Variants in CTNNA3 observed in about 807,000 individuals in gnomAD.
CTNNA3 encodes the protein catenin alpha 3.
A neutral mutation model predicts 95.7 loss-of-function variants in CTNNA3; 76 were observed. That is an observed-to-expected ratio of 0.79 (90% CI 0.66 to 0.96). The LOEUF (loss-of-function observed/expected upper bound fraction) is 0.96. Ranked by LOEUF, CTNNA3 falls within the 40% of genes least tolerant of loss-of-function variation. CTNNA3 has a pLI of 0.00. For missense variants in CTNNA3, 1,191 were observed against 1,089.8 expected, an observed-to-expected ratio of 1.09 and a Z score of -1.31; for synonymous variants, 431 against 374.4, an observed-to-expected ratio of 1.15 and a Z score of -1.74.
intron 13 of CTNNA3, among the ~76,000 whole-genome samples, chr10:66,215,414 G>T (rs541571292): frequency 4.6e-5 from 7 of 152,236 alleles, no homozygotes; most frequent in South Asian, 2.1e-4. Context: ...TGAAACTGAT[G>T]ATTTAAGAGC....
At chr10:66,489,616 A>T (rs1839854054) in intron 11 of CTNNA3, among the ~76,000 whole-genome samples, 1 of 152,168 alleles carries the variant, frequency 6.6e-6, no homozygotes, top group Admixed American at 6.5e-5. Context: ...ACACACACAA[A>T]CACACACAGA....
intron 7 of CTNNA3, among the ~76,000 whole-genome samples, chr10:66,962,407 TTTTTGTTTTTG>T (rs1270952064): frequency 4.8e-4 from 67 of 139,814 alleles, no homozygotes; most frequent in African/African-American, 1.8e-3. Context: ...TTGTTTTTTG[TTTTTGTTTTTG>T]TTTTTTTTTT....
At chr10:66,694,767 C>G (rs1847694761) in intron 9 of CTNNA3, among the ~76,000 whole-genome samples, 1 of 152,142 alleles carries the variant, frequency 6.6e-6, no homozygotes, top group Non-Finnish European at 1.5e-5. Flanking sequence ...GGATCACAAA[C>G]AGAAAAGCAC....
intron 14 of CTNNA3, among the ~76,000 whole-genome samples, chr10:66,099,324 G>T (rs560448197): frequency 9.9e-5 from 15 of 152,254 alleles, no homozygotes; most frequent in African/African-American, 3.6e-4. Context: ...TGTGCCAAAA[G>T]TTACACTCAG....
chr10:66,236,257 CTT>C (rs2089849010), intron 13 of CTNNA3, among the ~76,000 whole-genome samples: 1 of 152,114 alleles, frequency 6.6e-6, no homozygotes, highest in Non-Finnish European at 1.5e-5. Flanking sequence ...TTACTTTTAT[CTT>C]GTTTCCTAGA....
chr10:67,608,742 A>G (rs1843357853), intron 2 of CTNNA3, among the ~76,000 whole-genome samples: 1 of 152,182 alleles, frequency 6.6e-6, no homozygotes, highest in African/African-American at 2.4e-5. Flanking sequence ...GAAGATAAAA[A>G]TTAAGCTTCT....
At chr10:66,132,364 C>G (rs1382443106) in intron 13 of CTNNA3, among the ~76,000 whole-genome samples, 1 of 152,118 alleles carries the variant, frequency 6.6e-6, no homozygotes, top group African/African-American at 2.4e-5. Context: ...CCATCTCACA[C>G]CAGTCAAAAT....
chr10:67,304,327 G>A (rs1484762417), intron 5 of CTNNA3, among the ~76,000 whole-genome samples: 1 of 152,098 alleles, frequency 6.6e-6, no homozygotes, highest in African/African-American at 2.4e-5. Flanking sequence ...ACATACACAA[G>A]AATAAGAAGC....
At chr10:67,763,537 A>T (rs1475542813) in exon 1 of CTNNA3, among the ~76,000 whole-genome samples, 1 of 152,182 alleles carries the variant, frequency 6.6e-6, no homozygotes, top group Non-Finnish European at 1.5e-5. Context: ...GTTTCCATGA[A>T]CACTCCTAGA....
intron 7 of CTNNA3, among the ~76,000 whole-genome samples, chr10:67,159,967 A>G (rs1707682217): frequency 6.6e-6 from 1 of 152,178 alleles, no homozygotes. Flanking sequence ...CAAATCATAC[A>G]TCTATCTGAT....
chr10:67,579,126 C>G (rs1039515989), intron 3 of CTNNA3, among the ~76,000 whole-genome samples: 2 of 147,804 alleles, frequency 1.4e-5, no homozygotes, highest in African/African-American at 5.0e-5. Flanking sequence ...CATATGTATG[C>G]ATGTGCCATG....
intron 14 of CTNNA3, among the ~76,000 whole-genome samples, chr10:66,070,604 TC>T (rs1434865501): frequency 1.3e-5 from 2 of 152,122 alleles, no homozygotes; most frequent in Admixed American, 6.6e-5. Context: ...TATTTACTGT[TC>T]TCATAATAAA....
At position 67,186,598 on chromosome 10, in the gene CTNNA3, G is replaced by T. The variant is rs564031022; in HGVS notation, c.844-6078C>A. ...AAGAATTTTTTAAAGTAAATCAAATGTCCTGTGAAATGGCACTGGATTTGT... is the reference window on the plus strand; with the variant it reads ...AAGAATTTTTTAAAGTAAATCAAATTTCCTGTGAAATGGCACTGGATTTGT... On this transcript the variant is annotated intron_variant, in intron 6 of 17. Coordinates refer to ENST00000433211, the MANE Select transcript of CTNNA3 (RefSeq NM_013266.4). 3.3e-5 allele frequency among the ~76,000 whole-genome samples: 5 copies of T among 152,234 alleles called. No homozygotes were observed. The East Asian group carries it at 9.7e-4, about 29-fold the overall frequency.
chr10:67,219,637 T>G lies in CTNNA3; in HGVS notation c.813A>C (p.Ala271=), dbSNP rs746211242. ...GCTCATCAAGGGCACTTCCCAGGGTTGCTGCCTGAGGTTCTGGTGGGGTTG... is the reference window on the plus strand; with the variant it reads ...GCTCATCAAGGGCACTTCCCAGGGTGGCTGCCTGAGGTTCTGGTGGGGTTG... ...NMTTPPEPQA[A]TLGSALDELE... Residue 271 remains alanine (A), a synonymous_variant, in exon 6 of 18, where the codon GCA becomes GCC. Transcript: ENST00000433211. 6.2e-7 allele frequency: 1 copy of G among 1,614,056 alleles called. No individual in the cohort carries two copies. The highest frequency in any genetic ancestry group is 8.5e-7 in the Non-Finnish European group (1 of 1,179,928).
chr10:66,974,683 CT>C (rs757640013), intron 7 of CTNNA3, among the ~76,000 whole-genome samples: 1 of 152,032 alleles, frequency 6.6e-6, no homozygotes, highest in Non-Finnish European at 1.5e-5. Context: ...TAATATGTGA[CT>C]TTTTGTTTTT....
At chr10:65,923,943 T>C (rs1361009258) in intron 17 of CTNNA3, among the ~76,000 whole-genome samples, 1 of 152,172 alleles carries the variant, frequency 6.6e-6, no homozygotes, top group Non-Finnish European at 1.5e-5. Flanking sequence ...GGAGATACTC[T>C]AGGCCAGAAA....
chr10:66,529,439 G>GTTTTTTTT (rs201667838), intron 10 of CTNNA3, among the ~76,000 whole-genome samples: 1 of 50,596 alleles, frequency 2.0e-5, no homozygotes, highest in African/African-American at 7.2e-5. Context: ...GCCAAACAGT[G>GTTTTTTTT]TTTTTTTTTT....
intron 3 of CTNNA3, among the ~76,000 whole-genome samples, chr10:67,559,008 C>G (rs1435514860): frequency 6.6e-6 from 1 of 152,230 alleles, no homozygotes; most frequent in African/African-American, 2.4e-5. Context: ...GTGGAGCCCA[C>G]CACAGCTCAA....
At chr10:66,033,856 G>A (rs554613902) in intron 15 of CTNNA3, among the ~76,000 whole-genome samples, 6 of 152,108 alleles carry the variant, frequency 3.9e-5, no homozygotes, top group South Asian at 4.2e-4. Flanking sequence ...TAATGTCTTC[G>A]CTCCTACTTC....
Sources: allele counts gnomAD v4.1 joint callset (sites outside exome capture counted in the v4.1 genomes callset), GRCh38; gene constraint gnomAD v4.1.1; transcripts MANE v1.5; gene names NCBI Gene and HGNC (gene_info 2026-07-23, HGNC 2026-07-21).